TEX11: variants seen among roughly 807,000 people sequenced by gnomAD.
TEX11 encodes the protein testis expressed 11.
A neutral mutation model predicts 84.4 loss-of-function variants in TEX11; 7 were observed. The observed-to-expected ratio is 0.08, with a 90% confidence interval of 0.05 to 0.16. The LOEUF is 0.16. TEX11 is among the 10% of genes least tolerant of loss of function. TEX11 has a pLI of 1.00. For missense variants in TEX11, 551 were observed against 660.5 expected, an observed-to-expected ratio of 0.83 and a Z score of 1.82; for synonymous variants, 264 against 222.8, an observed-to-expected ratio of 1.18 and a Z score of -1.64.
intron 13 of TEX11, among the ~76,000 whole-genome samples, chrX:70,710,409 T>A (rs1259503996): frequency 9.0e-6 from 1 of 111,678 alleles, no homozygotes; most frequent in Non-Finnish European, 1.9e-5. Flanking sequence ...ATAAAAGTGT[T>A]CAGGACCCCT....
chrX:70,715,482 T>G (rs1351423476), intron 13 of TEX11, among the ~76,000 whole-genome samples: 1 of 111,738 alleles, frequency 8.9e-6, no homozygotes, highest in East Asian at 2.8e-4. Context: ...TGGAGGCTTT[T>G]TTCATTTCTT....
intron 2 of TEX11, among the ~76,000 whole-genome samples, chrX:70,900,657 T>A (rs1227167927): frequency 9.1e-6 from 1 of 109,699 alleles, no homozygotes; most frequent in African/African-American, 3.3e-5. Flanking sequence ...TATATATATA[T>A]AAAAGATCAG....
intron 3 of TEX11, among the ~76,000 whole-genome samples, chrX:70,879,486 T>C (rs1267801411): frequency 2.7e-5 from 3 of 110,776 alleles, no homozygotes; most frequent in Non-Finnish European, 5.7e-5. Flanking sequence ...TCAAGACAGC[T>C]TCCATATTAA....
chrX:70,570,252 C>T (rs997434559), intron 25 of TEX11, among the ~76,000 whole-genome samples: 9 of 112,359 alleles, frequency 8.0e-5, no homozygotes, highest in Admixed American at 1.9e-4. Flanking sequence ...TTTTTAAGCC[C>T]GTCAGAAAAG....
chrX:70,596,905 A>G (rs1201720921), intron 24 of TEX11, among the ~76,000 whole-genome samples: 5 of 111,524 alleles, frequency 4.5e-5, no homozygotes, highest in African/African-American at 1.6e-4. Context: ...GAAGACACAA[A>G]TAACTAAAAT....
intron 14 of TEX11, among the ~76,000 whole-genome samples, chrX:70,679,507 C>G (rs752333428): frequency 9.6e-5 from 10 of 103,943 alleles, no homozygotes; most frequent in East Asian, 3.2e-4. Flanking sequence ...CGCCTCTTCC[C>G]GGCCGCCATC....
chrX:70,866,523 G>A (rs1490998475), intron 4 of TEX11, among the ~76,000 whole-genome samples: 3 of 111,339 alleles, frequency 2.7e-5, no homozygotes, highest in African/African-American at 9.8e-5. Flanking sequence ...AGAAAAAAAG[G>A]GACTCCTCCC....
At chrX:70,679,347 T>G (rs773998240) in intron 14 of TEX11, among the ~76,000 whole-genome samples, 45 of 110,131 alleles carry the variant, frequency 4.1e-4, no homozygotes, top group African/African-American at 1.3e-3. Flanking sequence ...TTGCAGCCTC[T>G]GCCCGGCCAC....
intron 28 of TEX11, among the ~76,000 whole-genome samples, chrX:70,547,027 CAAAAAAA>C (rs58220663): frequency 0.01 from 352 of 33,908 alleles, 6 homozygotes; most frequent in African/African-American, 0.043. Context: ...TATTATTCAG[CAAAAAAA>C]AAAAAAAAAA....
intron 16 of TEX11, among the ~76,000 whole-genome samples, chrX:70,657,311 A>G (rs2089877292): frequency 9.0e-6 from 1 of 111,022 alleles, no homozygotes; most frequent in African/African-American, 3.3e-5. Context: ...AAACCAAACC[A>G]AACCAAAAAC....
chrX:70,706,732 G>A (rs1402546007), intron 13 of TEX11, among the ~76,000 whole-genome samples: 1 of 110,909 alleles, frequency 9.0e-6, no homozygotes, highest in Non-Finnish European at 1.9e-5. Context: ...CAAAATGACT[G>A]GTACATTGTA....
At chrX:70,654,322 G>A (rs1214999474) in intron 16 of TEX11, among the ~76,000 whole-genome samples, 1 of 111,534 alleles carries the variant, frequency 9.0e-6, no homozygotes, top group Non-Finnish European at 1.9e-5. Flanking sequence ...CAATTTTTCT[G>A]TAAACCTAAA....
the TEX11 span, among the ~76,000 whole-genome samples, chrX:70,515,617 A>C: frequency 4.5e-5 from 5 of 112,078 alleles, no homozygotes; most frequent in Admixed American, 2.8e-4. Flanking sequence ...ATGATTTATA[A>C]TCCTTTGGGT....
intron 17 of TEX11, among the ~76,000 whole-genome samples, chrX:70,643,912 T>G (rs1341574383): frequency 9.4e-6 from 1 of 106,416 alleles, no homozygotes; most frequent in Non-Finnish European, 1.9e-5. Context: ...AAAGACAAAA[T>G]TGACAAATGG....
chrX:70,892,520 G>A (rs1454397005), intron 2 of TEX11, among the ~76,000 whole-genome samples: 2 of 111,157 alleles, frequency 1.8e-5, no homozygotes, highest in African/African-American at 6.5e-5. Flanking sequence ...GGATCAAGAG[G>A]TCAGGAGTTC....
intron 9 of TEX11, among the ~76,000 whole-genome samples, chrX:70,790,713 GGATTCTCCTACAA>G (rs2091112898): frequency 8.9e-6 from 1 of 111,801 alleles, no homozygotes; most frequent in Non-Finnish European, 1.9e-5. Context: ...GCTCCTGCCT[GGATTCTCCTACAA>G]GAGCAAGCAC....
chrX:70,581,580 A>T (rs1853755), intron 25 of TEX11, among the ~76,000 whole-genome samples: 15 of 110,407 alleles, frequency 1.4e-4, no homozygotes, highest in African/African-American at 5.0e-4. Context: ...TTACAGGCAT[A>T]AGCCACCGCG....
At chrX:70,796,664 G>A (rs1258243230) in intron 9 of TEX11, among the ~76,000 whole-genome samples, 3 of 112,306 alleles carry the variant, frequency 2.7e-5, no homozygotes, top group Non-Finnish European at 3.8e-5. Flanking sequence ...TATCAACAGA[G>A]TAAACAGACA....
At chrX:70,629,072 CA>C (rs2089480349) in intron 18 of TEX11, among the ~76,000 whole-genome samples, 1 of 112,125 alleles carries the variant, frequency 8.9e-6, no homozygotes, top group African/African-American at 3.2e-5. Context: ...AGAAGTTAAG[CA>C]CAGATTAAAT....
Sources: allele counts gnomAD v4.1 joint callset (sites outside exome capture counted in the v4.1 genomes callset), GRCh38; gene constraint gnomAD v4.1.1; transcripts MANE v1.5; gene names NCBI Gene and HGNC (gene_info 2026-07-23, HGNC 2026-07-21).